The following CNTN1 variants were observed in gnomAD, a reference collection of about 807,000 sequenced individuals.
CNTN1 encodes contactin-1.
A neutral mutation model predicts 126.4 loss-of-function variants in CNTN1; 38 were observed. The observed-to-expected ratio is 0.30, with a 90% CI of 0.23 to 0.39. CNTN1 has a LOEUF of 0.39. Among genes scored for constraint, CNTN1 ranks in the 10% least tolerant of loss-of-function variants. The pLI is 1.00. For missense variants in CNTN1, 1,009 were observed against 1,248.4 expected, an observed-to-expected ratio of 0.81 and a Z score of 2.89; for synonymous variants, 413 against 422.6, an observed-to-expected ratio of 0.98 and a Z score of 0.28.
chr12:40,738,500 G>C (rs1001914472), intron 1 of CNTN1, among the ~76,000 whole-genome samples: 3 of 152,028 alleles, frequency 2.0e-5, no homozygotes, highest in Non-Finnish European at 4.4e-5. Context: ...GATTAAAAAT[G>C]TAAAGCTTCA....
At chr12:40,927,827 A>G (rs1190730960) in intron 6 of CNTN1, among the ~76,000 whole-genome samples, 3 of 152,088 alleles carry the variant, frequency 2.0e-5, no homozygotes, top group African/African-American at 7.2e-5. Flanking sequence ...TTATGTTCAT[A>G]CAACATCACG....
chr12:41,057,334 A>G (rs1479561851), intron 23 of CNTN1, among the ~76,000 whole-genome samples: 1 of 151,178 alleles, frequency 6.6e-6, no homozygotes, highest in East Asian at 1.9e-4. Flanking sequence ...CACAGGCTTA[A>G]CTTAAAATAG....
chr12:40,964,033 G>A (rs766624288), intron 15 of CNTN1, among the ~76,000 whole-genome samples: 3 of 151,926 alleles, frequency 2.0e-5, no homozygotes. Flanking sequence ...AAAGAAATTA[G>A]GCTTTAACTT....
At chr12:40,749,407 TAC>T (rs1465858637) in intron 1 of CNTN1, among the ~76,000 whole-genome samples, 1 of 152,124 alleles carries the variant, frequency 6.6e-6, no homozygotes, top group African/African-American at 2.4e-5. Flanking sequence ...CACAGGAGTG[TAC>T]AGATATTGTG....
intron 20 of CNTN1, 31 bp from the exon 21 acceptor site, chr12:41,025,119 G>A: frequency 1.9e-6 from 3 of 1,611,354 alleles, no homozygotes; most frequent in Non-Finnish European, 1.7e-6. Context: ...CTAAATCATG[G>A]CAAAATATAA....
chr12:40,860,467 C>A (rs1347873589), intron 1 of CNTN1, among the ~76,000 whole-genome samples: 1 of 152,080 alleles, frequency 6.6e-6, no homozygotes, highest in South Asian at 2.1e-4. Flanking sequence ...GATTGCCCCC[C>A]ACTTCAGATG....
At chr12:40,833,644 T>A (rs1323313525) in intron 1 of CNTN1, among the ~76,000 whole-genome samples, 1 of 152,178 alleles carries the variant, frequency 6.6e-6, no homozygotes, top group Non-Finnish European at 1.5e-5. Context: ...TCTGAATGAA[T>A]CTCCTATAAA....
At chr12:41,043,397 A>C (rs1200592023) in intron 23 of CNTN1, among the ~76,000 whole-genome samples, 1 of 152,228 alleles carries the variant, frequency 6.6e-6, no homozygotes, top group Non-Finnish European at 1.5e-5. Flanking sequence ...AACATGAAAA[A>C]ATGCTCATCA....
chr12:41,039,839 A>G (rs917653034), intron 23 of CNTN1, among the ~76,000 whole-genome samples: 5 of 151,650 alleles, frequency 3.3e-5, no homozygotes, highest in African/African-American at 1.2e-4. Context: ...TAGTTAAAGA[A>G]TAATTAAAAT....
intron 1 of CNTN1, among the ~76,000 whole-genome samples, chr12:40,751,896 T>G (rs142351448): frequency 6.6e-6 from 1 of 152,116 alleles, no homozygotes; most frequent in East Asian, 1.9e-4. Flanking sequence ...AAGAAGGTGC[T>G]AATTGACAAA....
At chr12:40,888,582 G>A (rs113149805) in intron 1 of CNTN1, among the ~76,000 whole-genome samples, 76 of 152,068 alleles carry the variant, frequency 5.0e-4, no homozygotes, top group African/African-American at 1.2e-3. Flanking sequence ...TTAGACTCCC[G>A]ATTACAACGT....
intron 1 of CNTN1, among the ~76,000 whole-genome samples, chr12:40,810,995 C>T (rs1941039745): frequency 6.6e-6 from 1 of 152,048 alleles, no homozygotes; most frequent in Non-Finnish European, 1.5e-5. Context: ...AGAATGAAAG[C>T]CTGTCTCTAA....
chr12:40,810,033 A>C (rs769772688), intron 1 of CNTN1, among the ~76,000 whole-genome samples: 17 of 152,298 alleles, frequency 1.1e-4, no homozygotes, highest in Non-Finnish European at 2.4e-4. Flanking sequence ...ATATACTTGT[A>C]TGCTGTAATC....
chr12:40,973,755 G>C (rs1947590344), intron 15 of CNTN1, among the ~76,000 whole-genome samples: 1 of 152,132 alleles, frequency 6.6e-6, no homozygotes, highest in Admixed American at 6.6e-5. Flanking sequence ...TAGAAAGCCA[G>C]TGTTTAAGAG....
At chr12:40,705,829 G>C (rs1175646859) in intron 1 of CNTN1, among the ~76,000 whole-genome samples, 1 of 152,130 alleles carries the variant, frequency 6.6e-6, no homozygotes, top group African/African-American at 2.4e-5. Context: ...CATGGTGGAA[G>C]GTAAAGAGGG....
chr12:40,778,259 G>A (rs1939663564), intron 1 of CNTN1, among the ~76,000 whole-genome samples: 2 of 151,756 alleles, frequency 1.3e-5, no homozygotes, highest in African/African-American at 4.8e-5. Context: ...TCCTATTTCA[G>A]AGGTCAGCAA....
chr12:41,005,603 A>G (rs1438002087), intron 17 of CNTN1, among the ~76,000 whole-genome samples: 1 of 151,544 alleles, frequency 6.6e-6, no homozygotes, highest in Non-Finnish European at 1.5e-5. Flanking sequence ...TATTTTTTGA[A>G]TTTTTTTCAT....
intron 1 of CNTN1, among the ~76,000 whole-genome samples, chr12:40,744,859 T>A (rs1319894665): frequency 6.6e-6 from 1 of 152,110 alleles, no homozygotes; most frequent in African/African-American, 2.4e-5. Context: ...ATGTTACATA[T>A]CAGGAAAATA....
intron 2 of CNTN1, among the ~76,000 whole-genome samples, chr12:40,908,772 T>C (rs1944925315): frequency 6.6e-6 from 1 of 151,968 alleles, no homozygotes. Flanking sequence ...TACTGGGGAG[T>C]AAATTATCCT....
Sources: gnomAD v4.1 joint callset for allele counts (sites outside exome capture counted in the v4.1 genomes callset) on GRCh38, gnomAD v4.1.1 for gene constraint, MANE v1.5 for transcripts, NCBI Gene and HGNC (gene_info 2026-07-23, HGNC 2026-07-21) for gene names.